The following PRR5 variants were observed in gnomAD, a reference collection of about 807,000 sequenced individuals.
PRR5 encodes the protein proline rich 5.
Under a neutral mutation model 30.6 loss-of-function variants are expected in PRR5, and 25 were observed. The observed-to-expected ratio is 0.82, with a 90% CI of 0.60 to 1.14. PRR5 has a LOEUF of 1.14. Among genes scored for constraint, PRR5 ranks in the 50% most tolerant of loss-of-function variants. The probability of loss-of-function intolerance (pLI) is 0.00; values close to 1 mark genes in which losing one functional copy is unlikely to be tolerated. For synonymous variants in PRR5, 286 were observed against 247.1 expected, an observed-to-expected ratio of 1.16 and a Z score of -1.48; for missense variants, 600 against 547.1, an observed-to-expected ratio of 1.10 and a Z score of -0.96.
At chr22:44,715,757 A>G (rs1010321648) in intron 2 of PRR5, among the ~76,000 whole-genome samples, 9 of 151,298 alleles carry the variant, frequency 5.9e-5, no homozygotes, top group Non-Finnish European at 1.2e-4. Flanking sequence ...GGCTGAAGCA[A>G]CCCTCCCACC....
chr22:44,730,766 G>T, intron 4 of PRR5: 2 of 759,282 alleles, frequency 2.6e-6, no homozygotes, highest in Non-Finnish European at 3.5e-6. Flanking sequence ...AGGGGTCTCC[G>T]TGGATCCCCA....
intron 1 of PRR5, among the ~76,000 whole-genome samples, chr22:44,694,273 C>CA (rs1402482978): frequency 1.3e-5 from 2 of 152,336 alleles, no homozygotes; most frequent in African/African-American, 4.8e-5. Flanking sequence ...TGTGGTGGCT[C>CA]ATGCCTGTAA....
chr22:44,709,724 C>T (rs1471212326), intron 1 of PRR5, among the ~76,000 whole-genome samples: 2 of 152,128 alleles, frequency 1.3e-5, no homozygotes, highest in African/African-American at 4.8e-5. Context: ...TGGTGGCGCG[C>T]ACCTGTAATC....
chr22:44,730,426 C>G lies in PRR5; in HGVS notation c.323-1304C>G, dbSNP rs529899094. The stretch of plus-strand genomic sequence containing the variant: ...CAGCAGCCCTCATCCCAGCTCCGCT[C>G]AGTCCAGGCAGAAAGGCCAAGGGTT... On this transcript the variant is annotated intron_variant, in intron 4 of 7. Coordinates refer to ENST00000336985, the MANE Select transcript of PRR5 (RefSeq NM_181333.4). 3.5e-5 allele frequency: 34 copies of G among 985,402 alleles called. No homozygotes were observed. The South Asian group carries it at 1.4e-3, about 39-fold the overall frequency. 61.0% of individuals were successfully genotyped at this position (985,402 alleles called of 1,614,324 possible).
intron 1 of PRR5, among the ~76,000 whole-genome samples, chr22:44,704,004 C>A (rs184784927): frequency 6.6e-6 from 1 of 152,232 alleles, no homozygotes; most frequent in South Asian, 2.1e-4. Flanking sequence ...CCCAACTCTG[C>A]CTCTTCCCTA....
At chr22:44,678,633 C>A (rs1001173428) in intron 1 of PRR5, among the ~76,000 whole-genome samples, 1 of 152,196 alleles carries the variant, frequency 6.6e-6, no homozygotes, top group African/African-American at 2.4e-5. Context: ...CTTTAAGCCG[C>A]TGCTGGAAGG....
intron 1 of PRR5, among the ~76,000 whole-genome samples, chr22:44,693,022 G>A (rs184979988): frequency 6.6e-6 from 1 of 152,118 alleles, no homozygotes; most frequent in African/African-American, 2.4e-5. Context: ...GAGTGTCAGG[G>A]TGGGACCTTT....
chr22:44,699,402 AACCATT>A (rs1259478456), upstream of PRR5, among the ~76,000 whole-genome samples: 6 of 152,360 alleles, frequency 3.9e-5, no homozygotes, highest in African/African-American at 1.4e-4. Flanking sequence ...CGGCGTGGGA[AACCATT>A]TCATCCCATC....
chr22:44,709,498 C>T (rs1012309268), intron 1 of PRR5, among the ~76,000 whole-genome samples: 37 of 152,202 alleles, frequency 2.4e-4, no homozygotes, highest in Non-Finnish European at 4.4e-4. Context: ...TTTCTCCCCC[C>T]GCCCGAGCCT....
intron 1 of PRR5, among the ~76,000 whole-genome samples, chr22:44,693,458 C>CAAAAAAAAAA (rs1216543034): frequency 2.0e-5 from 3 of 147,764 alleles, no homozygotes; most frequent in African/African-American, 7.7e-5. Flanking sequence ...GACCCTGTCT[C>CAAAAAAAAAA]AAAAAAAAAG....
rs144211388 is a variant in PRR5, at chr22:44,709,856, A to G, written c.135-4735A>G. On this transcript the variant is annotated intron_variant, in intron 1 of 7. Coordinates refer to ENST00000336985, the MANE Select transcript of PRR5 (RefSeq NM_181333.4). ...GACAGAACGAGACTCCATCTCAAAA[A>G]AACAAACAGAGAAAAAGAACTTCCG... is the stretch of plus-strand genomic sequence containing the variant. Among the ~76,000 whole-genome samples, 604 of 152,158 alleles carry G rather than the reference A, an allele frequency of 4.0e-3. 4 individuals are homozygous for G. Among genetic ancestry groups the G allele is most frequent in the African/African-American group, 0.013 (553 of 41,430 alleles).
chr22:44,729,503 G>A, intron 4 of PRR5: 1 of 985,576 alleles, frequency 1.0e-6, no homozygotes, highest in Non-Finnish European at 1.2e-6. Flanking sequence ...GCCCCGTCCT[G>A]CCGGCAGCAA....
Position 44,702,453 on chromosome 22 carries a change from G to T in PRR5, c.-22G>T, listed in dbSNP as rs1000755972. The T allele has an allele frequency of 3.8e-6, 5 of 1,322,834 alleles. 1 individual carries two copies. The South Asian group carries it at 6.5e-5, about 17-fold the overall frequency. 81.9% of individuals were successfully genotyped at this position (1,322,834 alleles called of 1,614,324 possible). ...CGCGGCGTGGGGCGCGCGTGGGCGC[G>T]GCGCAGGCGGCCCGGGTCACCATGA... On this transcript the variant is annotated 5_prime_UTR_variant, in exon 1 of 8. Transcript: ENST00000336985.
chr22:44,702,938 C>T (rs984801355), intron 1 of PRR5, among the ~76,000 whole-genome samples: 3 of 152,220 alleles, frequency 2.0e-5, no homozygotes, highest in Admixed American at 6.5e-5. Flanking sequence ...CTGCGGTGCT[C>T]GTGACAACCT....
chr22:44,731,818 G>A lies in PRR5; in HGVS notation c.411G>A (p.Val137=). 1 of 1,612,690 alleles carries A rather than the reference G, an allele frequency of 6.2e-7. No individual in the cohort carries two copies. The highest frequency in any genetic ancestry group is 1.1e-5 in the South Asian group (1 of 90,994). Residue 137 remains valine, a synonymous_variant, in exon 5 of 8, where the codon GTG becomes GTA. Coordinates refer to ENST00000336985, the MANE Select transcript of PRR5 (RefSeq NM_181333.4). ...LPMLQAIFYP[V]QGKEPSVRQL... ...TGCTGCAGGCCATCTTCTACCCGGT[G>A]CAGGTGGGCAGCCCAGCCCTGGGGA...
intron 1 of PRR5, among the ~76,000 whole-genome samples, chr22:44,706,262 GATTCATTCATTCATTCGTTT>G (rs1227968950): frequency 2.0e-5 from 3 of 152,076 alleles, no homozygotes; most frequent in Non-Finnish European, 4.4e-5. Flanking sequence ...TTGATTGATT[GATTCATTCATTCATTCGTTT>G]ATTCATTCAT....
At chr22:44,725,931 C>G (rs1207709627) in intron 3 of PRR5, among the ~76,000 whole-genome samples, 1 of 152,238 alleles carries the variant, frequency 6.6e-6, no homozygotes, top group East Asian at 1.9e-4. Context: ...TCCCAAAGTG[C>G]TGGGATTACA....
chr22:44,717,249 T>C (rs1346371936), intron 2 of PRR5, among the ~76,000 whole-genome samples: 1 of 141,756 alleles, frequency 7.1e-6, no homozygotes, highest in Non-Finnish European at 1.5e-5. Flanking sequence ...TGGAGTGCAG[T>C]GGTGCGATCT....
intron 6 of PRR5, among the ~76,000 whole-genome samples, chr22:44,732,830 CAT>C (rs869221869): frequency 1.5e-5 from 1 of 66,254 alleles, no homozygotes. Context: ...TGTGCACGCA[CAT>C]ACTACACACG....
Sources: allele counts gnomAD v4.1 joint callset (sites outside exome capture counted in the v4.1 genomes callset), GRCh38; gene constraint gnomAD v4.1.1; transcripts MANE v1.5; gene names NCBI Gene and HGNC (gene_info 2026-07-23, HGNC 2026-07-21).